Variants in CNTNAP2 observed in about 807,000 individuals in gnomAD.
CNTNAP2 encodes contactin associated protein 2.
In CNTNAP2, 98 loss-of-function variants were observed where a neutral mutation model predicts 155.2. The observed-to-expected ratio is 0.63, with a 90% CI of 0.54 to 0.75. CNTNAP2 has a LOEUF of 0.75. Ranked by LOEUF, CNTNAP2 falls within the 30% of genes least tolerant of loss-of-function variation. The pLI is 0.00. For missense variants in CNTNAP2, 1,727 were observed against 1,688.1 expected (o/e 1.02, Z -0.40); for synonymous variants, 651 against 631.2 (o/e 1.03, Z -0.47).
chr7:147,331,861 C>T (rs1302476500), intron 9 of CNTNAP2, among the ~76,000 whole-genome samples: 1 of 152,180 alleles, frequency 6.6e-6, no homozygotes. Context: ...ACTTTTCCAC[C>T]AGTATCCTCA....
intron 12 of CNTNAP2, among the ~76,000 whole-genome samples, chr7:147,637,899 A>G (rs913622219): frequency 1.3e-5 from 2 of 152,100 alleles, no homozygotes; most frequent in African/African-American, 4.8e-5. Context: ...CTCTAATCCC[A>G]CCATTTAGTC....
intron 14 of CNTNAP2, among the ~76,000 whole-genome samples, chr7:147,947,344 A>G (rs759604962): frequency 2.8e-4 from 43 of 151,104 alleles, no homozygotes; most frequent in Non-Finnish European, 5.3e-4. Flanking sequence ...CGGTTCTGGT[A>G]CAGTGGCTCA....
chr7:146,796,680 A>G (rs1802775250), intron 2 of CNTNAP2, among the ~76,000 whole-genome samples: 1 of 152,124 alleles, frequency 6.6e-6, no homozygotes, highest in South Asian at 2.1e-4. Flanking sequence ...TAAAAACTGA[A>G]TAACCTCAGT....
In CNTNAP2 at chr7:148,037,664, G is replaced by C. The variant is rs571915433; in HGVS notation, c.2383+59675G>C. On this transcript the variant is annotated intron_variant, in intron 15 of 23. Coordinates refer to ENST00000361727, the MANE Select transcript of CNTNAP2 (RefSeq NM_014141.6). ...AATATACAGTATTTTGAAAGAGAGA[G>C]AGAAGAACCACATAACATAACTTTT... 5.3e-5 allele frequency among the ~76,000 whole-genome samples: 8 copies of C among 152,130 alleles called. No individual in the cohort carries two copies. In the South Asian group the frequency reaches 1.7e-3, roughly 32 times the overall value.
chr7:146,747,082 G>A (rs1189429009), intron 1 of CNTNAP2, among the ~76,000 whole-genome samples: 1 of 152,064 alleles, frequency 6.6e-6, no homozygotes, highest in Non-Finnish European at 1.5e-5. Flanking sequence ...TACCTAGTAT[G>A]CTCGTTACTT....
chr7:147,282,644 C>T (rs1805070474), intron 8 of CNTNAP2, among the ~76,000 whole-genome samples: 1 of 151,812 alleles, frequency 6.6e-6, no homozygotes, highest in Non-Finnish European at 1.5e-5. Flanking sequence ...GAAAGCAAAA[C>T]AAAATGGTGC....
At chr7:147,730,840 T>C (rs1019825481) in intron 13 of CNTNAP2, among the ~76,000 whole-genome samples, 6 of 152,076 alleles carry the variant, frequency 3.9e-5, no homozygotes, top group Admixed American at 3.3e-4. Context: ...CTTAAGGACA[T>C]TGAAAGTGCT....
At chr7:146,428,147 G>A (rs1796120229) in intron 1 of CNTNAP2, among the ~76,000 whole-genome samples, 1 of 152,048 alleles carries the variant, frequency 6.6e-6, no homozygotes, top group Non-Finnish European at 1.5e-5. Flanking sequence ...TATCTTTGAT[G>A]GGCATTTAGG....
At chr7:147,673,726 G>A (rs62480745) in intron 13 of CNTNAP2, among the ~76,000 whole-genome samples, 7,299 of 152,198 alleles carry the variant, frequency 0.048, 248 homozygotes, top group Middle Eastern at 0.078. Context: ...TGGAGATGGG[G>A]ACATTAGATT....
intron 14 of CNTNAP2, among the ~76,000 whole-genome samples, chr7:147,922,190 TAAATC>T (rs1247613035): frequency 6.6e-6 from 1 of 152,124 alleles, no homozygotes; most frequent in Non-Finnish European, 1.5e-5. Flanking sequence ...AGAAGGAAAA[TAAATC>T]AAGAAATTCA....
chr7:147,001,825 A>G (rs1798429857), intron 3 of CNTNAP2, among the ~76,000 whole-genome samples: 1 of 152,058 alleles, frequency 6.6e-6, no homozygotes, highest in Non-Finnish European at 1.5e-5. Flanking sequence ...TAAGGAAAAA[A>G]TAACTTGGAA....
chr7:147,902,848 G>C (rs1305635159), intron 13 of CNTNAP2, among the ~76,000 whole-genome samples: 1 of 125,696 alleles, frequency 8.0e-6, no homozygotes, highest in East Asian at 2.1e-4. Flanking sequence ...GTGTGTATGA[G>C]AAACAGTTTA....
In CNTNAP2 at chr7:146,740,444, G is replaced by A. The variant is rs186515139; in HGVS notation, c.98-33827G>A. On this transcript the variant is annotated intron_variant, in intron 1 of 23. Transcript: ENST00000361727. ...ATTATTTTCAGGCACTTCATGTATT[G>A]CTATTTCTGTATGATGTCACTGGCA... Among the ~76,000 whole-genome samples the A allele has an allele frequency of 2.7e-3, 407 of 151,724 alleles. 11 individuals are homozygous for A. The highest frequency in any genetic ancestry group is 0.026 in the Admixed American group (399 of 15,250).
At chr7:147,219,149 C>A (rs757489841) in intron 8 of CNTNAP2, among the ~76,000 whole-genome samples, 1 of 151,978 alleles carries the variant, frequency 6.6e-6, no homozygotes, top group Non-Finnish European at 1.5e-5. Flanking sequence ...TATAATGAAC[C>A]CATTTTCACA....
intron 3 of CNTNAP2, among the ~76,000 whole-genome samples, chr7:146,921,406 G>A (rs62483962): frequency 0.096 from 14,604 of 152,076 alleles, 778 homozygotes; most frequent in East Asian, 0.14. Flanking sequence ...AACATCCTTC[G>A]TTTGTTTGAG....
intron 15 of CNTNAP2, among the ~76,000 whole-genome samples, chr7:148,009,726 T>C (rs1802041873): frequency 6.6e-6 from 1 of 151,086 alleles, no homozygotes; most frequent in Admixed American, 6.6e-5. Flanking sequence ...GAACTTGCTA[T>C]TTACATTCAA....
chr7:146,130,071 CT>C (rs1797692463), intron 1 of CNTNAP2, among the ~76,000 whole-genome samples: 1 of 152,170 alleles, frequency 6.6e-6, no homozygotes, highest in Non-Finnish European at 1.5e-5. Context: ...AATTAGTCTT[CT>C]GTTAAACGTG....
intron 18 of CNTNAP2, among the ~76,000 whole-genome samples, chr7:148,178,346 T>G (rs2972121): frequency 0.3 from 45,136 of 152,058 alleles, 7,928 homozygotes; most frequent in African/African-American, 0.47. Context: ...AACATTCATT[T>G]GTTTATTGCT....
At chr7:146,688,082 A>G (rs1800633435) in intron 1 of CNTNAP2, among the ~76,000 whole-genome samples, 1 of 152,180 alleles carries the variant, frequency 6.6e-6, no homozygotes, top group African/African-American at 2.4e-5. Context: ...TCCCTAAGCT[A>G]GTATTGACCC....
Sources: gnomAD v4.1 joint callset for allele counts (sites outside exome capture counted in the v4.1 genomes callset) on GRCh38, gnomAD v4.1.1 for gene constraint, MANE v1.5 for transcripts, NCBI Gene and HGNC (gene_info 2026-07-23, HGNC 2026-07-21) for gene names.